The following PPFIA2 variants were observed in gnomAD, a reference collection of about 807,000 sequenced individuals.
PPFIA2 encodes liprin-alpha-2.
In PPFIA2, 46 loss-of-function variants were observed where a neutral mutation model predicts 175.5. That is an observed-to-expected ratio of 0.26 (90% CI 0.21 to 0.34). PPFIA2 has a LOEUF of 0.34. PPFIA2 is among the 10% of genes least tolerant of loss of function. The pLI is 1.00. For synonymous variants in PPFIA2, 568 were observed against 511.4 expected (o/e 1.11, Z -1.49); for missense variants, 1,179 against 1,506.1 (o/e 0.78, Z 3.60).
At chr12:81,340,944 A>T in intron 20 of PPFIA2, 134 bp downstream of exon 20, 1 of 965,910 alleles carries the variant, frequency 1.0e-6, no homozygotes, top group East Asian at 2.8e-5. Context: ...CACAAGTGAT[A>T]CTGGGAAAGG....
chr12:81,757,845 G>C (rs770477424), intron 2 of PPFIA2, among the ~76,000 whole-genome samples: 1 of 152,092 alleles, frequency 6.6e-6, no homozygotes, highest in Non-Finnish European at 1.5e-5. Flanking sequence ...CCTACTAGAG[G>C]TAAGAATGTA....
intron 4 of PPFIA2, among the ~76,000 whole-genome samples, chr12:81,628,026 A>G (rs922153022): frequency 1.3e-5 from 2 of 152,160 alleles, no homozygotes; most frequent in Non-Finnish European, 2.9e-5. Flanking sequence ...AGAGTTTGCT[A>G]TGATTATTTA....
chr12:81,741,175 C>T (rs2082273641), intron 3 of PPFIA2, among the ~76,000 whole-genome samples: 1 of 152,192 alleles, frequency 6.6e-6, no homozygotes, highest in Non-Finnish European at 1.5e-5. Flanking sequence ...AATGTCACCA[C>T]CACCTCTTGA....
intron 3 of PPFIA2, among the ~76,000 whole-genome samples, chr12:81,679,044 C>T (rs1344105088): frequency 6.6e-6 from 1 of 151,814 alleles, no homozygotes; most frequent in Non-Finnish European, 1.5e-5. Context: ...GCATCAAACA[C>T]ATGTATAAAT....
intron 4 of PPFIA2, among the ~76,000 whole-genome samples, chr12:81,524,865 G>A (rs2063563909): frequency 6.6e-6 from 1 of 152,156 alleles, no homozygotes; most frequent in African/African-American, 2.4e-5. Flanking sequence ...GTGAGGTGAT[G>A]AGCTGATGAG....
chr12:81,743,114 T>C (rs1434289549), intron 3 of PPFIA2, among the ~76,000 whole-genome samples: 1 of 151,704 alleles, frequency 6.6e-6, no homozygotes, highest in Non-Finnish European at 1.5e-5. Context: ...AGAACAGACG[T>C]AGCCAATTAA....
chr12:81,584,636 T>C (rs2153432556), intron 4 of PPFIA2, among the ~76,000 whole-genome samples: 1 of 150,902 alleles, frequency 6.6e-6, no homozygotes, highest in Admixed American at 6.7e-5. Context: ...CTATATGGCA[T>C]AGCTTACTGC....
At chr12:81,425,314 T>C in intron 7 of PPFIA2, among the ~76,000 whole-genome samples, 1 of 152,080 alleles carries the variant, frequency 6.6e-6, no homozygotes, top group East Asian at 1.9e-4. Flanking sequence ...CAGTTGCCTT[T>C]CCCAAACTTG....
chr12:81,320,410 C>T (rs538189173), intron 22 of PPFIA2, among the ~76,000 whole-genome samples: 70 of 152,020 alleles, frequency 4.6e-4, no homozygotes, highest in African/African-American at 1.7e-3. Context: ...ATAGCTGAGT[C>T]GGGGTGTTAA....
At chr12:81,505,726 G>A (rs902919386) in intron 4 of PPFIA2, 1 of 152,194 alleles carries the variant, frequency 6.6e-6, no homozygotes, top group African/African-American at 2.4e-5. Flanking sequence ...TGAGCCACAT[G>A]TACCAGCTTC....
intron 27 of PPFIA2, among the ~76,000 whole-genome samples, chr12:81,280,187 G>A (rs1389893545): frequency 6.6e-6 from 1 of 152,088 alleles, no homozygotes; most frequent in East Asian, 1.9e-4. Flanking sequence ...AACATGCCTT[G>A]TCAAGCCATT....
In PPFIA2 at chr12:81,729,395, C is replaced by T. The variant is rs117555941; in HGVS notation, c.249+24578G>A. 2.0e-4 allele frequency among the ~76,000 whole-genome samples: 30 copies of T among 151,590 alleles called. 1 individual carries two copies. In the South Asian group the frequency reaches 4.1e-3, roughly 21 times the overall value. ...GAAATGCATCAAGCCCTAGTGACAA[C>T]GTTGGACATACTGAAAACAATTGTC... On this transcript the variant is annotated intron_variant, in intron 3 of 32. Coordinates refer to ENST00000549396, the MANE Select transcript of PPFIA2 (RefSeq NM_003625.5).
At chr12:81,274,021 A>G (rs999181959) in intron 28 of PPFIA2, among the ~76,000 whole-genome samples, 3 of 151,928 alleles carry the variant, frequency 2.0e-5, no homozygotes, top group Non-Finnish European at 2.9e-5. Flanking sequence ...AGTTTTCCTT[A>G]GCCTATTCCA....
At chr12:81,575,015 C>T (rs2073254356) in intron 4 of PPFIA2, among the ~76,000 whole-genome samples, 1 of 151,854 alleles carries the variant, frequency 6.6e-6, no homozygotes, top group Admixed American at 6.6e-5. Context: ...AAAGAACACA[C>T]ACTCACACCT....
At chr12:81,551,347 T>C (rs927617985) in intron 4 of PPFIA2, among the ~76,000 whole-genome samples, 4 of 152,046 alleles carry the variant, frequency 2.6e-5, no homozygotes, top group African/African-American at 9.7e-5. Context: ...TTTACCATAC[T>C]ATCATTTTGA....
At chr12:81,371,133 AT>A (rs2034971416) in intron 11 of PPFIA2, among the ~76,000 whole-genome samples, 1 of 151,778 alleles carries the variant, frequency 6.6e-6, no homozygotes, top group Admixed American at 6.6e-5. Context: ...TGATATTCTT[AT>A]TTTATAAATG....
At chr12:81,477,859 A>ATTT (rs201397878) in intron 4 of PPFIA2, among the ~76,000 whole-genome samples, 2 of 146,494 alleles carry the variant, frequency 1.4e-5, no homozygotes, top group South Asian at 2.2e-4. Flanking sequence ...TTGGCCTGAA[A>ATTT]TTTTTTTTTT....
chr12:81,722,110 A>T (rs2079434833), intron 3 of PPFIA2, among the ~76,000 whole-genome samples: 1 of 151,086 alleles, frequency 6.6e-6, no homozygotes, highest in Non-Finnish European at 1.5e-5. Flanking sequence ...TAGATCTAAA[A>T]TAATATTTTT....
At chr12:81,665,811 A>G (rs572271152) in intron 4 of PPFIA2, among the ~76,000 whole-genome samples, 203 of 152,192 alleles carry the variant, frequency 1.3e-3, no homozygotes, top group Non-Finnish European at 2.5e-3. Flanking sequence ...AGAAACTACC[A>G]TCAGAGTGAA....
Sources: allele counts gnomAD v4.1 joint callset (sites outside exome capture counted in the v4.1 genomes callset), GRCh38; gene constraint gnomAD v4.1.1; transcripts MANE v1.5; gene names NCBI Gene and HGNC (gene_info 2026-07-23, HGNC 2026-07-21).